The following TCF20 variants were observed in gnomAD, a reference collection of about 807,000 sequenced individuals.
The protein encoded by TCF20 is transcription factor 20.
A neutral mutation model predicts 148.6 loss-of-function variants in TCF20; 3 were observed. The ratio of observed to expected loss-of-function variants is 0.02; its 90% CI spans 0.01 to 0.05. The LOEUF (loss-of-function observed/expected upper bound fraction) is 0.05, where lower values mean the gene tolerates loss of function less well. Among genes scored for constraint, TCF20 ranks in the 10% least tolerant of loss-of-function variants. The pLI is 1.00. For missense variants in TCF20, 2,350 were observed against 2,429.3 expected (o/e 0.97, Z 0.69); for synonymous variants, 1,049 against 909.5 (o/e 1.15, Z -2.76).
intron 1 of TCF20, among the ~76,000 whole-genome samples, chr22:42,239,698 A>G (rs1049784523): frequency 1.3e-5 from 2 of 152,152 alleles, no homozygotes; most frequent in African/African-American, 2.4e-5. Context: ...TGAGGGGGAG[A>G]ATCGCTAGAA....
intron 1 of TCF20, among the ~76,000 whole-genome samples, chr22:42,258,943 CT>C: frequency 6.6e-6 from 1 of 152,178 alleles, no homozygotes; most frequent in Non-Finnish European, 1.5e-5. Flanking sequence ...AACAGCCAAA[CT>C]TTAGGAAGGT....
chr22:42,217,797 A>T (rs1269093255), intron 1 of TCF20, among the ~76,000 whole-genome samples: 1 of 152,192 alleles, frequency 6.6e-6, no homozygotes, highest in Non-Finnish European at 1.5e-5. Context: ...CCACATGAGA[A>T]CTGAGGAAAG....
At chr22:42,284,891 A>C (rs1723773648), upstream of TCF20, among the ~76,000 whole-genome samples, 1 of 152,232 alleles carries the variant, frequency 6.6e-6, no homozygotes, top group South Asian at 2.1e-4. Context: ...GGGGAAACCA[A>C]GGCCCAGGAA....
At chr22:42,240,104 G>C (rs1360325023) in intron 1 of TCF20, among the ~76,000 whole-genome samples, 5 of 152,164 alleles carry the variant, frequency 3.3e-5, no homozygotes, top group Admixed American at 3.3e-4. Context: ...AAAAGCTTTA[G>C]TTATGAACTA....
At chr22:42,175,083 A>G (rs1481343548) in intron 3 of TCF20, among the ~76,000 whole-genome samples, 1 of 152,222 alleles carries the variant, frequency 6.6e-6, no homozygotes, top group African/African-American at 2.4e-5. Flanking sequence ...ACAAAACTTT[A>G]TATTACTGCT....
At chr22:42,285,260 G>T (rs1268339872), upstream of TCF20, among the ~76,000 whole-genome samples, 1 of 151,956 alleles carries the variant, frequency 6.6e-6, no homozygotes, top group Non-Finnish European at 1.5e-5. This position sits in a 1 kb window ranked among gnomAD's most constrained non-coding sequence, Gnocchi z 4.2. Flanking sequence ...CCTGGTGAGG[G>T]CCTACTAAGC....
intron 1 of TCF20, among the ~76,000 whole-genome samples, chr22:42,268,842 C>CT (rs1301877517): frequency 3.3e-5 from 5 of 152,250 alleles, no homozygotes; most frequent in Non-Finnish European, 7.3e-5. Flanking sequence ...CCCTGACCAA[C>CT]TTTTATGCTC....
intron 1 of TCF20, among the ~76,000 whole-genome samples, chr22:42,295,442 C>CTTTT (rs869294446): frequency 7.4e-6 from 1 of 134,632 alleles, no homozygotes; most frequent in Non-Finnish European, 1.6e-5. Flanking sequence ...GTTTTCTTTT[C>CTTTT]TTTTTTTTTT....
rs1409630214 is a variant in TCF20, at chr22:42,225,000, C to T, written c.-36-9659G>A. On this transcript the variant is annotated intron_variant, in intron 1 of 5. Transcript: ENST00000677622. The stretch of plus-strand genomic sequence containing the variant: ...TTAATTTTTGTGTAGGAAATAATCA[C>T]TTTTTTTTTTTTTTTTTGAGACAGA... Among the ~76,000 whole-genome samples, 21 of 130,250 alleles carry T rather than the reference C, an allele frequency of 1.6e-4. 1 individual carries two copies. The South Asian group carries it at 4.4e-3, about 27-fold the overall frequency. 85.4% of individuals were successfully genotyped at this position (130,250 alleles called of 152,430 possible). A position where few individuals can be genotyped will look rare whatever the true frequency, so the allele number is the denominator to read the frequency against.
intron 2 of TCF20, among the ~76,000 whole-genome samples, chr22:42,198,560 A>G (rs1278287616): frequency 6.6e-6 from 1 of 152,190 alleles, no homozygotes; most frequent in Non-Finnish European, 1.5e-5. Context: ...GATACCTAAT[A>G]TGATGTAGCT....
intron 1 of TCF20, among the ~76,000 whole-genome samples, chr22:42,263,358 C>A (rs1469330487): frequency 6.6e-6 from 1 of 152,190 alleles, no homozygotes; most frequent in Non-Finnish European, 1.5e-5. Flanking sequence ...TCTCAAGAAT[C>A]CCTATTTCTT....
intron 1 of TCF20, among the ~76,000 whole-genome samples, chr22:42,295,442 C>CTTTTTTT (rs869294446): frequency 1.5e-5 from 2 of 134,636 alleles, no homozygotes; most frequent in Non-Finnish European, 3.2e-5. Flanking sequence ...GTTTTCTTTT[C>CTTTTTTT]TTTTTTTTTT....
At chr22:42,262,307 G>T (rs530945845) in intron 1 of TCF20, among the ~76,000 whole-genome samples, 1 of 152,172 alleles carries the variant, frequency 6.6e-6, no homozygotes, top group Non-Finnish European at 1.5e-5. Flanking sequence ...CAGTACAGAT[G>T]AAAGAAGTTA....
At chr22:42,320,819 G>T (rs1041679573) in intron 1 of TCF20, among the ~76,000 whole-genome samples, 1 of 152,142 alleles carries the variant, frequency 6.6e-6, no homozygotes, top group African/African-American at 2.4e-5. Flanking sequence ...GTGGCAGAGG[G>T]GACTCAGGTA....
Position 42,212,952 on chromosome 22 carries a change from G to C in TCF20, c.2354C>G (p.Thr785Ser). The C allele has an allele frequency of 6.2e-7, 1 of 1,614,132 alleles. No homozygotes were observed. The highest frequency in any genetic ancestry group is 2.2e-5 in the East Asian group (1 of 44,876). Residue 785 changes from threonine (T) to serine (S), a missense_variant, in exon 2 of 6, where the codon ACC becomes AGC. Around this residue, in one of 7 missense-constraint regions of TCF20, gnomAD observed 1,641 missense variants for 1,662.6 expected, o/e 0.99. Coordinates refer to ENST00000677622, the MANE Select transcript of TCF20 (RefSeq NM_001378418.1). ...HQGMAGSLEG[T>S]TRPNVLVSQT... is the part of the protein sequence containing the mutation. ...ACTAACCAAGACATTGGGCCTTGTG[G>C]TTCCTTCTAGGCTACCAGCCATCCC...
Position 42,214,578 on chromosome 22 carries a change from G to C in TCF20, c.728C>G (p.Ser243Cys). 1 of 1,614,132 alleles carries C rather than the reference G, an allele frequency of 6.2e-7. No homozygotes were observed. The highest frequency in any genetic ancestry group is 1.1e-5 in the South Asian group (1 of 91,082). The change falls in exon 2 of 6, where the codon TCC becomes TGC. Residue 243 changes from serine to cysteine, a missense_variant. Physicochemically the swap from Ser to Cys is moderately radical, Grantham distance 112 (BLOSUM62 -1). Around this residue, in one of 7 missense-constraint regions of TCF20, gnomAD observed 1,641 missense variants for 1,662.6 expected, o/e 0.99. Transcript: ENST00000677622. ...QHYQSSASSS[S>C]SSSFPSPQRF... ...CTGTGGTGAAGGGAAGGAGGAGGAG[G>C]AGGAGGAGGAAGCAGAAGACTGATA...
At position 42,220,070 on chromosome 22, in the gene TCF20, A is replaced by G. The variant is rs138201576; in HGVS notation, c.-36-4729T>C. Among the ~76,000 whole-genome samples the G allele has an allele frequency of 5.1e-4, 78 of 152,244 alleles. 2 individuals are homozygous for G. In the East Asian group the frequency reaches 9.4e-3, roughly 18 times the overall value. On this transcript the variant is annotated intron_variant, in intron 1 of 5. Transcript: ENST00000677622. Reference sequence around the variant, plus strand: ...AACCAGCTGCAGACTTGTTCTCCCCATCCTATTAGAGGGCTGATGACCTTG... The same window carrying G: ...AACCAGCTGCAGACTTGTTCTCCCCGTCCTATTAGAGGGCTGATGACCTTG...
At chr22:42,259,915 G>T (rs1184540159) in intron 1 of TCF20, among the ~76,000 whole-genome samples, 2 of 152,206 alleles carry the variant, frequency 1.3e-5, no homozygotes, top group Non-Finnish European at 2.9e-5. Context: ...AGGAGTTCAA[G>T]ACCAGCCTGG....
exon 1 of TCF20, chr22:42,343,535 G>C (rs1928205805): frequency 1.4e-5 from 2 of 146,584 alleles, no homozygotes; most frequent in Admixed American, 6.8e-5. Context: ...AGCGGGGCCG[G>C]GCTCCGGAGC....
Sources: gnomAD v4.1 joint callset for allele counts (sites outside exome capture counted in the v4.1 genomes callset) on GRCh38, gnomAD v4.1.1 for gene constraint, gnomAD v4.1.1 regional missense constraint, Gnocchi (gnomAD v3.1) non-coding constraint, MANE v1.5 for transcripts, NCBI Gene and HGNC (gene_info 2026-07-23, HGNC 2026-07-21) for gene names.